KDM2A: variants seen among roughly 807,000 people sequenced by gnomAD.
The protein encoded by KDM2A is lysine-specific demethylase 2A.
KDM2A carries 3 observed loss-of-function variants against 137.3 expected under a neutral mutation model. The observed-to-expected ratio is 0.02, with a 90% CI of 0.01 to 0.06. KDM2A has a LOEUF of 0.06. KDM2A is among the 10% of genes least tolerant of loss of function. The pLI is 1.00. For missense variants in KDM2A, 738 were observed against 1,510.6 expected, an observed-to-expected ratio of 0.49 and a Z score of 8.48; for synonymous variants, 512 against 541.5, an observed-to-expected ratio of 0.95 and a Z score of 0.76.
chr11:67,196,979 A>G (rs766791550), intron 5 of KDM2A: 7 of 153,264 alleles, frequency 4.6e-5, no homozygotes, highest in Non-Finnish European at 1.0e-4. Flanking sequence ...TTCAGTCATC[A>G]GTCTTCGGTT....
At position 67,119,566 on chromosome 11, in the gene KDM2A, C is replaced by CCGGCG. The variant is rs1855548910; in HGVS notation, c.-564_-560dup. The CCGGCG allele has an allele frequency of 4.0e-5, 6 of 151,070 alleles. No individual in the cohort carries two copies. The highest frequency in any genetic ancestry group is 4.0e-4 in the Admixed American group (6 of 15,180). The allele number at this position is 151,070 out of a possible 1,614,324, so 9.4% of individuals were successfully genotyped here. ...CGCGAGGGGAGCCAGGGCCCCCATC[C>CCGGCG]CGGCGCGCCGCGCCGCTCCCGCCCT... On this transcript the variant is annotated 5_prime_UTR_variant, in exon 1 of 21. Transcript: ENST00000529006.
chr11:67,184,527 C>T (rs1393424726), intron 5 of KDM2A, among the ~76,000 whole-genome samples: 1 of 152,056 alleles, frequency 6.6e-6, no homozygotes, highest in Non-Finnish European at 1.5e-5. Flanking sequence ...ACTCAGGAGG[C>T]TGAGGCAGGA....
chr11:67,145,214 G>T (rs1856215957), intron 2 of KDM2A, among the ~76,000 whole-genome samples: 1 of 151,342 alleles, frequency 6.6e-6, no homozygotes, highest in African/African-American at 2.4e-5. Flanking sequence ...GCTAATCGCT[G>T]TTGCTCATGT....
intron 2 of KDM2A, among the ~76,000 whole-genome samples, chr11:67,157,976 T>C (rs1856555783): frequency 6.6e-6 from 1 of 152,132 alleles, no homozygotes; most frequent in Admixed American, 6.6e-5. Flanking sequence ...ACCTCATGTT[T>C]ATAGTTTAAA....
chr11:67,155,605 G>GTTTTTA (rs1275757702), intron 2 of KDM2A, among the ~76,000 whole-genome samples: 1 of 150,334 alleles, frequency 6.7e-6, no homozygotes, highest in East Asian at 2.0e-4. Flanking sequence ...CACTGGCTTG[G>GTTTTTA]TTTTTATTTT....
chr11:67,237,580 A>G (rs1349943965), intron 12 of KDM2A, among the ~76,000 whole-genome samples: 2 of 152,046 alleles, frequency 1.3e-5, no homozygotes, highest in African/African-American at 4.8e-5. Flanking sequence ...TACAGGCATG[A>G]GCCACCTTAC....
intron 2 of KDM2A, among the ~76,000 whole-genome samples, chr11:67,157,514 G>C (rs1189908677): frequency 1.3e-5 from 2 of 151,658 alleles, no homozygotes; most frequent in Admixed American, 1.3e-4. Flanking sequence ...GGAGGCCGAG[G>C]GGGGCGGATC....
At chr11:67,178,263 G>T (rs1857013628) in intron 2 of KDM2A, among the ~76,000 whole-genome samples, 1 of 152,078 alleles carries the variant, frequency 6.6e-6, no homozygotes, top group African/African-American at 2.4e-5. Context: ...AAAATCAGCT[G>T]GGTGTGGTGG....
chr11:67,212,510 GTTGT>G (rs1858025187), intron 6 of KDM2A, among the ~76,000 whole-genome samples: 1 of 152,176 alleles, frequency 6.6e-6, no homozygotes, highest in Non-Finnish European at 1.5e-5. Context: ...AAGGCTATGA[GTTGT>G]TTATGAATAG....
chr11:67,247,532 ATTC>A (rs1190516496), intron 15 of KDM2A, among the ~76,000 whole-genome samples: 1 of 147,304 alleles, frequency 6.8e-6, no homozygotes, highest in East Asian at 2.0e-4. Flanking sequence ...GGTTCAAGCA[ATTC>A]TTCTGCCTCA....
In KDM2A at chr11:67,203,025, C is replaced by T. The variant is rs565434245; in HGVS notation, c.308-4485C>T. Among the ~76,000 whole-genome samples the T allele has an allele frequency of 2.0e-5, 3 of 150,056 alleles. No individual in the cohort carries two copies. In the South Asian group the frequency reaches 6.3e-4, roughly 32 times the overall value. On this transcript the variant is annotated intron_variant, in intron 5 of 20. Coordinates refer to ENST00000529006, the MANE Select transcript of KDM2A (RefSeq NM_012308.3). ...CGCCAAAAAAAAAAAAAAAGAAAAA[C>T]GGTTTACACTTCAGCGAAAGAAAAA...
Position 67,252,697 on chromosome 11 carries a change from C to T in KDM2A, c.2772C>T (p.Cys924=). The T allele has an allele frequency of 6.2e-7, 1 of 1,613,954 alleles. No individual in the cohort carries two copies. The highest frequency in any genetic ancestry group is 8.5e-7 in the Non-Finnish European group (1 of 1,179,858). The part of the protein sequence containing the change: ...MRVCKTWYKW[C]CDKRLWTKID... ...GTTCTCTTCCCTTCTATCACAGGTG[C>T]TGCGACAAGAGACTTTGGACAAAAA... Residue 924 remains cysteine (C), a synonymous_variant, in exon 18 of 21, where the codon TGC becomes TGT. Transcript: ENST00000529006.
intron 6 of KDM2A, among the ~76,000 whole-genome samples, chr11:67,213,690 C>T (rs554784612): frequency 1.4e-5 from 2 of 142,774 alleles, no homozygotes; most frequent in Non-Finnish European, 3.0e-5. Flanking sequence ...ACCTGGGAGG[C>T]GGAGGTTGCA....
rs982857461 is a variant in KDM2A at position 67,223,340 on chromosome 11, A to C, written c.957+3937A>C. On this transcript the variant is annotated intron_variant, in intron 10 of 20. Transcript: ENST00000529006. ...ACAGTCTTATAAGTTACGAGTAAAAACTCAAAATTTTAATGCCTGTATTTC... is the reference window on the plus strand; with the variant it reads ...ACAGTCTTATAAGTTACGAGTAAAACCTCAAAATTTTAATGCCTGTATTTC... Among the ~76,000 whole-genome samples, 6 of 151,676 alleles carry C rather than the reference A, an allele frequency of 4.0e-5. No individual in the cohort carries two copies. The East Asian group carries it at 1.2e-3, about 29-fold the overall frequency.
chr11:67,134,007 A>G (rs897059739), intron 2 of KDM2A, among the ~76,000 whole-genome samples: 2 of 152,198 alleles, frequency 1.3e-5, no homozygotes, highest in African/African-American at 2.4e-5. Context: ...TGTGGTTTTA[A>G]ACAAGAAAAC....
At chr11:67,181,743 ATAT>A in intron 4 of KDM2A, 100 bp from the exon 5 acceptor site, 1 of 867,346 alleles carries the variant, frequency 1.2e-6, no homozygotes, top group Non-Finnish European at 1.9e-6. Context: ...CTGATTGTGA[ATAT>A]TACTGTGTCT....
intron 12 of KDM2A, among the ~76,000 whole-genome samples, chr11:67,241,576 C>G (rs1406569876): frequency 6.6e-6 from 1 of 152,168 alleles, no homozygotes; most frequent in Non-Finnish European, 1.5e-5. Context: ...GACTTGCTAA[C>G]CTGTCCAGGA....
intron 12 of KDM2A, among the ~76,000 whole-genome samples, chr11:67,233,371 A>T (rs1357421018): frequency 6.9e-6 from 1 of 145,272 alleles, no homozygotes; most frequent in East Asian, 2.2e-4. Flanking sequence ...ATACAAAAAA[A>T]GGCTCAGTGC....
chr11:67,146,960 T>C (rs1190190679), intron 2 of KDM2A, among the ~76,000 whole-genome samples: 1 of 152,280 alleles, frequency 6.6e-6, no homozygotes, highest in East Asian at 1.9e-4. Flanking sequence ...ATCATGTTAA[T>C]GTTTGAAATT....
Sources: allele counts gnomAD v4.1 joint callset (sites outside exome capture counted in the v4.1 genomes callset), GRCh38; gene constraint gnomAD v4.1.1; transcripts MANE v1.5; gene names NCBI Gene and HGNC (gene_info 2026-07-23, HGNC 2026-07-21).